The following SOD2 variants were observed in gnomAD, a reference collection of about 807,000 sequenced individuals.
SOD2 encodes the protein superoxide dismutase 2.
SOD2 carries 11 observed loss-of-function variants against 27.0 expected under a neutral mutation model. The observed-to-expected ratio is 0.41, with a 90% CI of 0.26 to 0.67. The LOEUF (loss-of-function observed/expected upper bound fraction) is 0.67. Ranked by LOEUF, SOD2 falls within the 30% of genes least tolerant of loss-of-function variation. The pLI, the probability that SOD2 is intolerant of heterozygous loss-of-function variation, is 0.34. For missense variants in SOD2, 250 were observed against 274.5 expected, an observed-to-expected ratio of 0.91 and a Z score of 0.63; for synonymous variants, 105 against 103.0, an observed-to-expected ratio of 1.02 and a Z score of -0.12.
At chr6:159,711,033 CA>C (rs1235360285) in intron 1 of SOD2, among the ~76,000 whole-genome samples, 99 of 69,724 alleles carry the variant, frequency 1.4e-3, no homozygotes, top group African/African-American at 1.5e-3. Flanking sequence ...AACCACCACT[CA>C]ACAGCTCTGA....
intron 1 of SOD2, among the ~76,000 whole-genome samples, chr6:159,740,973 A>G (rs950946392): frequency 6.6e-6 from 1 of 152,170 alleles, no homozygotes; most frequent in Non-Finnish European, 1.5e-5. Flanking sequence ...AAGTGCTGGG[A>G]TTACAGGCAC....
At chr6:159,725,171 G>A (rs1340850711) in intron 1 of SOD2, among the ~76,000 whole-genome samples, 1 of 152,084 alleles carries the variant, frequency 6.6e-6, no homozygotes, top group African/African-American at 2.4e-5. Context: ...TACACTACTA[G>A]AGTACTGTGT....
At chr6:159,702,654 C>CAAAAAAAAAAAAAAAAA (rs750073120) in intron 1 of SOD2, among the ~76,000 whole-genome samples, 2 of 39,810 alleles carry the variant, frequency 5.0e-5, no homozygotes, top group Non-Finnish European at 5.0e-5. Context: ...TCTATCTCTC[C>CAAAAAAAAAAAAAAAAA]AAAAAAAAAA....
chr6:159,748,994 A>T, upstream of SOD2: 1 of 1,028,918 alleles, frequency 9.7e-7, no homozygotes, highest in Non-Finnish European at 1.2e-6. This position sits in a 1 kb window ranked among gnomAD's most constrained non-coding sequence, Gnocchi z 5.6. Flanking sequence ...GTCATGAGAG[A>T]ATCAAATAAT....
chr6:159,762,098 G>T (rs771049313), exon 1 of SOD2: 25 of 1,613,278 alleles, frequency 1.5e-5, no homozygotes, highest in Non-Finnish European at 2.0e-5. Context: ...ATGAATGCAG[G>T]CTCAGATCCT....
intron 1 of SOD2, among the ~76,000 whole-genome samples, chr6:159,752,856 C>T (rs1779871691): frequency 1.3e-5 from 2 of 152,182 alleles, no homozygotes; most frequent in African/African-American, 4.8e-5. Context: ...CCTCTCACCT[C>T]AGCCTTTCCA....
At chr6:159,712,910 A>G in intron 1 of SOD2, 1 of 637,748 alleles carries the variant, frequency 1.6e-6, no homozygotes, top group Middle Eastern at 2.6e-4. Context: ...ACTTGTTCCT[A>G]TAGCATTTAA....
intron 3 of SOD2, among the ~76,000 whole-genome samples, chr6:159,686,014 C>G (rs2114773427): frequency 6.6e-6 from 1 of 152,290 alleles, no homozygotes; most frequent in South Asian, 2.1e-4. Flanking sequence ...TTGTTCTTCT[C>G]CAAGGCAGCC....
chr6:159,698,930 C>CTGGTGGG (rs1777477964), intron 1 of SOD2, among the ~76,000 whole-genome samples: 1 of 114,342 alleles, frequency 8.7e-6, no homozygotes, highest in African/African-American at 3.6e-5. Context: ...ATCTTGCTGT[C>CTGGTGGG]TGGGGGGTGG....
intron 1 of SOD2, chr6:159,725,846 T>A (rs1778153894): frequency 6.6e-6 from 1 of 152,174 alleles, no homozygotes; most frequent in Non-Finnish European, 1.5e-5. Context: ...GAATACTTAC[T>A]ACACTTAAAT....
At chr6:159,731,498 G>GT (rs1355577873), upstream of SOD2, among the ~76,000 whole-genome samples, 1 of 152,096 alleles carries the variant, frequency 6.6e-6, no homozygotes, top group African/African-American at 2.4e-5. Flanking sequence ...GAAAATTTAA[G>GT]TAACTTCTGT....
chr6:159,709,427 AC>A, intron 1 of SOD2, among the ~76,000 whole-genome samples: 1 of 152,180 alleles, frequency 6.6e-6, no homozygotes, highest in South Asian at 2.1e-4. Flanking sequence ...CAAGAAAAAA[AC>A]AAACAACCCC....
chr6:159,711,705 A>G (rs561371069), intron 1 of SOD2, among the ~76,000 whole-genome samples: 16 of 107,826 alleles, frequency 1.5e-4, no homozygotes, highest in South Asian at 3.1e-4. Flanking sequence ...CACCACTCAC[A>G]CTGCTCTGAT....
At chr6:159,730,720 C>T (rs1778513152), upstream of SOD2, among the ~76,000 whole-genome samples, 1 of 152,148 alleles carries the variant, frequency 6.6e-6, no homozygotes, top group African/African-American at 2.4e-5. Flanking sequence ...AAGTTGGATA[C>T]CCCAGACAGC....
At chr6:159,682,980 G>T (rs889083220) in intron 4 of SOD2, among the ~76,000 whole-genome samples, 8 of 152,162 alleles carry the variant, frequency 5.3e-5, no homozygotes, top group African/African-American at 1.9e-4. Context: ...GCAGCAGGAA[G>T]GGTGGGTTAC....
At chr6:159,736,481 A>G (rs1235478969) in intron 1 of SOD2, 6 of 450,436 alleles carry the variant, frequency 1.3e-5, no homozygotes, top group Admixed American at 1.1e-4. Context: ...TATATCCAGT[A>G]TATTTTTTAG....
Position 159,724,213 on chromosome 6 carries a change from A to G in SOD2, c.-116+2916T>C, listed in dbSNP as rs149770005. ...TGCTATGTTGCCCAGGCTGGTCTCA[A>G]ACTCCTGGACTCTAGTGATCCTCCC... On this transcript the variant is annotated intron_variant, in intron 1 of 2. Transcript: ENST00000401980. 6.0e-3 allele frequency among the ~76,000 whole-genome samples: 914 copies of G among 152,228 alleles called. 9 individuals are homozygous for G. Among genetic ancestry groups the G allele is most frequent in the African/African-American group, 0.021 (857 of 41,540 alleles).
chr6:159,692,893 T>A (rs2114794817), intron 1 of SOD2, 30 bp from the exon 2 acceptor site: 2 of 1,549,414 alleles, frequency 1.3e-6, no homozygotes, highest in Non-Finnish European at 1.7e-6. Flanking sequence ...GCCCGGTCAG[T>A]CAGCGCCGCG....
At chr6:159,748,075 G>T, upstream of SOD2, 2 of 1,271,806 alleles carry the variant, frequency 1.6e-6, no homozygotes, top group Non-Finnish European at 2.1e-6. This position sits in a 1 kb window ranked among gnomAD's most constrained non-coding sequence, Gnocchi z 5.6. Context: ...CAGGATCAAA[G>T]AGGGGAGGAG....
Sources: gnomAD v4.1 joint callset for allele counts (sites outside exome capture counted in the v4.1 genomes callset) on GRCh38, gnomAD v4.1.1 for gene constraint, Gnocchi (gnomAD v3.1) non-coding constraint, MANE v1.5 for transcripts, NCBI Gene and HGNC (gene_info 2026-07-23, HGNC 2026-07-21) for gene names.